Variants in HEATR5A observed in about 807,000 individuals in gnomAD.
The protein encoded by HEATR5A is HEAT repeat-containing protein 5A.
A neutral mutation model predicts 218.8 loss-of-function variants in HEATR5A; 178 were observed. The observed-to-expected ratio is 0.81, with a 90% CI of 0.72 to 0.92. The LOEUF is 0.92. HEATR5A is among the 40% of genes least tolerant of loss of function. HEATR5A has a pLI of 0.00. For missense variants in HEATR5A, 2,420 were observed against 2,418.9 expected (o/e 1.00, Z -0.01); for synonymous variants, 864 against 871.6 (o/e 0.99, Z 0.15).
chr14:31,315,674 A>C, intron 27 of HEATR5A, 96 bp downstream of exon 27: 1 of 836,482 alleles, frequency 1.2e-6, no homozygotes, highest in African/African-American at 1.7e-5. Flanking sequence ...AAATGAACTT[A>C]TTTGTAGTTC....
chr14:31,383,228 G>A (rs58339873), intron 10 of HEATR5A, among the ~76,000 whole-genome samples: 16,321 of 151,988 alleles, frequency 0.11, 1,231 homozygotes, highest in East Asian at 0.36. Flanking sequence ...GAAAACCTTC[G>A]TTCCTAAGAA....
At chr14:31,395,432 T>G (rs1034168719) in intron 4 of HEATR5A, 84 bp from the exon 5 acceptor site, 3 of 653,864 alleles carry the variant, frequency 4.6e-6, no homozygotes, top group Admixed American at 5.9e-5. Context: ...TCTCTCATAC[T>G]GAAGAAATAT....
Position 31,312,407 on chromosome 14 carries a change from G to A in HEATR5A, c.4441+561C>T, listed in dbSNP as rs532917148. On this transcript the variant is annotated intron_variant, in intron 28 of 35. Coordinates refer to ENST00000543095, the MANE Select transcript of HEATR5A (RefSeq NM_015473.4). ...AGAAATGAAAACAAGTTGCTGGTGGGTGTGTCCTTTTTTTTTTTTTTTGAG... is the reference window on the plus strand; with the variant it reads ...AGAAATGAAAACAAGTTGCTGGTGGATGTGTCCTTTTTTTTTTTTTTTGAG... Among the ~76,000 whole-genome samples, 322 of 151,068 alleles carry A rather than the reference G, an allele frequency of 2.1e-3. 2 individuals are homozygous for A. The highest frequency in any genetic ancestry group is 3.9e-3 in the Non-Finnish European group (263 of 67,828).
At chr14:31,313,288 G>A in intron 27 of HEATR5A, 98 bp from the exon 28 acceptor site, 1 of 858,694 alleles carries the variant, frequency 1.2e-6, no homozygotes, top group South Asian at 1.6e-5. Context: ...TTACCTTTGA[G>A]CATACTGGAC....
At chr14:31,312,901 CAA>C in intron 28 of HEATR5A, 65 bp downstream of exon 28, 1 of 1,293,652 alleles carries the variant, frequency 7.7e-7, no homozygotes, top group Non-Finnish European at 1.1e-6. Context: ...CTGTCAAAAA[CAA>C]AAAAAAAGAA....
chr14:31,329,349 C>T (rs544200262), intron 22 of HEATR5A, among the ~76,000 whole-genome samples: 4 of 152,332 alleles, frequency 2.6e-5, no homozygotes, highest in Admixed American at 6.5e-5. Flanking sequence ...GGCCTATGAG[C>T]CTGTAAAATC....
Position 31,293,131 on chromosome 14 carries a change from AC to A in HEATR5A, c.*173del, listed in dbSNP as rs1566743006. The A allele has an allele frequency of 2.0e-6, 1 of 504,434 alleles. No individual in the cohort carries two copies. Among genetic ancestry groups the A allele is most frequent in the African/African-American group, 2.0e-5 (1 of 50,966 alleles). 31.2% of individuals were successfully genotyped at this position (504,434 alleles called of 1,614,324 possible). On this transcript the variant is annotated 3_prime_UTR_variant, in exon 36 of 36. Coordinates refer to ENST00000543095, the MANE Select transcript of HEATR5A (RefSeq NM_015473.4). ...CAAAACAAAACAAAACACAAACCCCACGCACACACACAAAAATGTTAAGTAT... is the reference window on the plus strand; with the variant it reads ...CAAAACAAAACAAAACACAAACCCCAGCACACACACAAAAATGTTAAGTAT...
intron 3 of HEATR5A, among the ~76,000 whole-genome samples, chr14:31,399,496 G>A (rs1443435532): frequency 6.6e-6 from 1 of 152,072 alleles, no homozygotes; most frequent in South Asian, 2.1e-4. Context: ...AATACATTCT[G>A]TTATAAGGTA....
Position 31,345,209 on chromosome 14 carries a change from T to C in HEATR5A, c.2936A>G (p.Glu979Gly). 1 of 1,613,572 alleles carries C rather than the reference T, an allele frequency of 6.2e-7. No homozygotes were observed. ...CATTATAATAAGAGAAAGGGTAGGT[T>C]CCACATGCACATAATAGAGTGGGCC... ...SAGPLYYVHV[E>G]PTLSLIIMLL... Residue 979 changes from glutamate to glycine, a missense_variant, in exon 20 of 36, where the codon GAA (glutamate) becomes GGA (glycine). Glu to Gly is a moderately conservative substitution (Grantham distance 98). Transcript: ENST00000543095.
At chr14:31,354,487 T>C (rs1901349938) in intron 16 of HEATR5A, among the ~76,000 whole-genome samples, 1 of 152,312 alleles carries the variant, frequency 6.6e-6, no homozygotes, top group East Asian at 1.9e-4. Context: ...GGATTCAAGA[T>C]ATATGACACC....
chr14:31,391,979 C>T (rs180862327), intron 6 of HEATR5A, among the ~76,000 whole-genome samples: 29 of 152,278 alleles, frequency 1.9e-4, no homozygotes, highest in African/African-American at 5.3e-4. Context: ...GAATGTGTCC[C>T]TATTATTAAG....
chr14:31,352,916 G>A (rs767780984), intron 16 of HEATR5A, among the ~76,000 whole-genome samples: 6 of 151,308 alleles, frequency 4.0e-5, no homozygotes, highest in African/African-American at 1.5e-4. Flanking sequence ...AGATGGCACC[G>A]CTGTACTCCA....
Position 31,373,149 on chromosome 14 carries a change from T to C in HEATR5A, c.1862-1240A>G, listed in dbSNP as rs140934098. ...GTTGTCCAGGCTGGTCTTGAACTCC[T>C]GAGCTCAAGCAATCCACTCATCTCG... is the stretch of plus-strand genomic sequence containing the variant. On this transcript the variant is annotated intron_variant, in intron 12 of 35. Coordinates refer to ENST00000543095, the MANE Select transcript of HEATR5A (RefSeq NM_015473.4). 7.0e-3 allele frequency among the ~76,000 whole-genome samples: 1,070 copies of C among 151,996 alleles called. 10 individuals carry two copies. Among genetic ancestry groups the C allele is most frequent in the African/African-American group, 0.024 (1,011 of 41,420 alleles).
At chr14:31,376,959 CA>C (rs946841805) in intron 11 of HEATR5A, among the ~76,000 whole-genome samples, 53 of 151,514 alleles carry the variant, frequency 3.5e-4, no homozygotes, top group Non-Finnish European at 6.0e-4. Context: ...CCCATCTCTA[CA>C]AAAAAAATTT....
At chr14:31,367,021 C>T (rs1303433618) in intron 13 of HEATR5A, among the ~76,000 whole-genome samples, 4 of 152,100 alleles carry the variant, frequency 2.6e-5, no homozygotes, top group Admixed American at 6.6e-5. Flanking sequence ...TGGCAGTTAT[C>T]TAATAAAGTT....
At chr14:31,368,790 G>A (rs1200966346) in intron 13 of HEATR5A, among the ~76,000 whole-genome samples, 1 of 151,684 alleles carries the variant, frequency 6.6e-6, no homozygotes, top group Admixed American at 6.6e-5. Context: ...TCAAATCCCT[G>A]ACCTCAAGCA....
At chr14:31,294,968 G>GACA (rs1566743836) in intron 34 of HEATR5A, among the ~76,000 whole-genome samples, 9 of 151,962 alleles carry the variant, frequency 5.9e-5, no homozygotes, top group South Asian at 2.1e-4. Flanking sequence ...CAGGACAGAC[G>GACA]ATAAAAGGAA....
intron 1 of HEATR5A, among the ~76,000 whole-genome samples, chr14:31,412,734 G>A (rs1459302887): frequency 4.6e-5 from 7 of 151,984 alleles, no homozygotes; most frequent in African/African-American, 9.7e-5. Flanking sequence ...TTAGCTGGGC[G>A]TGGTGGCAGG....
At chr14:31,358,217 AG>A (rs1254206577) in intron 16 of HEATR5A, among the ~76,000 whole-genome samples, 1 of 152,194 alleles carries the variant, frequency 6.6e-6, no homozygotes, top group East Asian at 1.9e-4. Flanking sequence ...GTTCATTTTA[AG>A]TGAACTGATA....
Sources: allele counts gnomAD v4.1 joint callset (sites outside exome capture counted in the v4.1 genomes callset), GRCh38; gene constraint gnomAD v4.1.1; transcripts MANE v1.5; gene names NCBI Gene and HGNC (gene_info 2026-07-23, HGNC 2026-07-21).